Variants in ST6GALNAC3 observed in about 807,000 individuals in gnomAD.
The protein encoded by ST6GALNAC3 is alpha-N-acetylgalactosaminide alpha-2,6-sialyltransferase 3.
Under a neutral mutation model 32.7 loss-of-function variants are expected in ST6GALNAC3, and 25 were observed. That is an observed-to-expected ratio of 0.76 (90% confidence interval 0.56 to 1.07). The LOEUF (loss-of-function observed/expected upper bound fraction) is 1.07. Ranked by LOEUF, ST6GALNAC3 falls within the 50% of genes least tolerant of loss-of-function variation. The probability of loss-of-function intolerance (pLI) is 0.00; values close to 1 mark genes in which losing one functional copy is unlikely to be tolerated. For synonymous variants in ST6GALNAC3, 129 were observed against 133.1 expected (o/e 0.97, Z 0.21); for missense variants, 355 against 382.4 (o/e 0.93, Z 0.60).
intron 3 of ST6GALNAC3, among the ~76,000 whole-genome samples, chr1:76,547,956 C>T (rs1664399565): frequency 6.6e-6 from 1 of 151,902 alleles, no homozygotes. Context: ...AAACAGCCAG[C>T]TCCCCTTGCT....
chr1:76,344,317 C>T (rs1262670355), intron 2 of ST6GALNAC3, among the ~76,000 whole-genome samples: 1 of 152,164 alleles, frequency 6.6e-6, no homozygotes, highest in Non-Finnish European at 1.5e-5. Flanking sequence ...TTTGACTTAC[C>T]TAGTCACATG....
chr1:76,291,619 G>T (rs1160943591), intron 1 of ST6GALNAC3, among the ~76,000 whole-genome samples: 1 of 152,222 alleles, frequency 6.6e-6, no homozygotes, highest in Non-Finnish European at 1.5e-5. Context: ...ATAAGTAGTA[G>T]CTCCTTAAGC....
intron 1 of ST6GALNAC3, among the ~76,000 whole-genome samples, chr1:76,267,290 A>G (rs1658588365): frequency 6.6e-6 from 1 of 152,178 alleles, no homozygotes; most frequent in African/African-American, 2.4e-5. Context: ...GGACTTTGTC[A>G]CTAATCTACT....
In ST6GALNAC3 at chr1:76,559,508, A is replaced by G. The variant is rs189227780; in HGVS notation, c.624-67944A>G. 3.3e-5 allele frequency among the ~76,000 whole-genome samples: 5 copies of G among 152,332 alleles called. No individual in the cohort carries two copies. In the East Asian group the frequency reaches 7.7e-4, roughly 24 times the overall value. On this transcript the variant is annotated intron_variant, in intron 3 of 4. Coordinates refer to ENST00000328299, the MANE Select transcript of ST6GALNAC3 (RefSeq NM_152996.4). ...GAAGCATAAGCAACAACAATAAAGA[A>G]CAATAGATACGTTAAACTTTGTCAA...
At chr1:76,087,871 A>G (rs993411653) in intron 1 of ST6GALNAC3, among the ~76,000 whole-genome samples, 31 of 152,244 alleles carry the variant, frequency 2.0e-4, no homozygotes, top group African/African-American at 7.5e-4. Context: ...GACACTTACT[A>G]TATGATAGGC....
At chr1:76,223,813 C>T (rs1263155590) in intron 1 of ST6GALNAC3, among the ~76,000 whole-genome samples, 1 of 151,958 alleles carries the variant, frequency 6.6e-6, no homozygotes, top group African/African-American at 2.4e-5. Flanking sequence ...TTTGATCCTG[C>T]AAACTTTTAT....
At chr1:76,308,201 T>C (rs3887563) in intron 1 of ST6GALNAC3, among the ~76,000 whole-genome samples, 30,349 of 152,102 alleles carry the variant, frequency 0.2, 3,374 homozygotes, top group South Asian at 0.32. Flanking sequence ...CTAGTTCTTA[T>C]GCATTTCATA....
At chr1:76,510,188 A>G (rs1661758641) in intron 3 of ST6GALNAC3, among the ~76,000 whole-genome samples, 1 of 152,184 alleles carries the variant, frequency 6.6e-6, no homozygotes, top group Non-Finnish European at 1.5e-5. Context: ...AAGTAATCAC[A>G]GCATTAATAG....
chr1:76,119,330 T>C (rs1222069173), intron 1 of ST6GALNAC3, among the ~76,000 whole-genome samples: 5 of 152,232 alleles, frequency 3.3e-5, no homozygotes, highest in African/African-American at 1.2e-4. Context: ...GAATTCCTCG[T>C]GAATAATTGA....
intron 1 of ST6GALNAC3, among the ~76,000 whole-genome samples, chr1:76,263,439 G>A (rs1246645071): frequency 1.3e-5 from 2 of 152,052 alleles, no homozygotes; most frequent in Admixed American, 1.3e-4. Context: ...AGAGCTTTCT[G>A]AGCCCTTTTT....
At chr1:76,292,840 G>C (rs1309453383) in intron 1 of ST6GALNAC3, among the ~76,000 whole-genome samples, 2 of 152,072 alleles carry the variant, frequency 1.3e-5, no homozygotes, top group African/African-American at 4.8e-5. Context: ...AACACTTTCT[G>C]ATATATAAAA....
At chr1:76,269,295 T>C (rs1658708383) in intron 1 of ST6GALNAC3, among the ~76,000 whole-genome samples, 2 of 152,196 alleles carry the variant, frequency 1.3e-5, no homozygotes, top group Non-Finnish European at 2.9e-5. Flanking sequence ...TAACCTTCCA[T>C]ATGCTAAGCC....
At chr1:76,084,468 G>A (rs1372452701) in intron 1 of ST6GALNAC3, among the ~76,000 whole-genome samples, 5 of 152,194 alleles carry the variant, frequency 3.3e-5, no homozygotes, top group Admixed American at 1.3e-4. Context: ...TGGAGGCTTT[G>A]AGGGCAGACA....
chr1:76,492,010 A>G (rs905193927), intron 3 of ST6GALNAC3, among the ~76,000 whole-genome samples: 3 of 152,338 alleles, frequency 2.0e-5, no homozygotes, highest in East Asian at 3.9e-4. Context: ...TGATATGTAC[A>G]TAATTAGATA....
chr1:76,299,781 T>C (rs1021697876), intron 1 of ST6GALNAC3, among the ~76,000 whole-genome samples: 10 of 151,046 alleles, frequency 6.6e-5, no homozygotes, highest in Admixed American at 6.0e-4. Context: ...AATATTTTGC[T>C]TATGGAATCA....
At chr1:76,192,863 G>A (rs1213140046) in intron 1 of ST6GALNAC3, among the ~76,000 whole-genome samples, 1 of 152,068 alleles carries the variant, frequency 6.6e-6, no homozygotes, top group East Asian at 1.9e-4. Context: ...AATTCTTTCC[G>A]ATTGTAACAT....
At chr1:76,079,718 C>T (rs751931043) in intron 1 of ST6GALNAC3, among the ~76,000 whole-genome samples, 1 of 152,152 alleles carries the variant, frequency 6.6e-6, no homozygotes, top group Non-Finnish European at 1.5e-5. Flanking sequence ...CTTCTCATTT[C>T]CTCTTCCTCC....
At chr1:76,276,103 A>G (rs984938473) in intron 1 of ST6GALNAC3, among the ~76,000 whole-genome samples, 4 of 152,132 alleles carry the variant, frequency 2.6e-5, no homozygotes, top group Non-Finnish European at 4.4e-5. Flanking sequence ...TTCTCTCGTA[A>G]TAGCTTCCAT....
chr1:76,308,701 T>C (rs558752466), intron 1 of ST6GALNAC3, among the ~76,000 whole-genome samples: 4 of 152,258 alleles, frequency 2.6e-5, no homozygotes, highest in South Asian at 2.1e-4. Flanking sequence ...AACACGGCAT[T>C]GTGGTGTCTT....
Sources: gnomAD v4.1 joint callset for allele counts (sites outside exome capture counted in the v4.1 genomes callset) on GRCh38, gnomAD v4.1.1 for gene constraint, MANE v1.5 for transcripts, NCBI Gene and HGNC (gene_info 2026-07-23, HGNC 2026-07-21) for gene names.